CAST: variants seen among roughly 807,000 people sequenced by gnomAD.
CAST encodes MIR583 host.
Under a neutral mutation model 119.6 loss-of-function variants are expected in CAST, and 76 were observed. The ratio of observed to expected loss-of-function variants is 0.64; its 90% CI spans 0.53 to 0.77. CAST has a LOEUF of 0.77. CAST is among the 30% of genes least tolerant of loss of function. CAST has a pLI of 0.00. For synonymous variants in CAST, 319 were observed against 331.6 expected (o/e 0.96, Z 0.41); for missense variants, 953 against 946.5 (o/e 1.01, Z -0.09).
intron 1 of CAST, among the ~76,000 whole-genome samples, chr5:96,549,566 G>A (rs1274750995): frequency 6.6e-6 from 1 of 152,190 alleles, no homozygotes; most frequent in Admixed American, 6.5e-5. Flanking sequence ...GCCCATGGTG[G>A]GCGAGTGGAA....
intron 1 of CAST, among the ~76,000 whole-genome samples, chr5:96,651,386 G>T (rs548605885): frequency 2.0e-5 from 3 of 152,252 alleles, no homozygotes; most frequent in South Asian, 2.1e-4. Flanking sequence ...AGTCAATGCT[G>T]GTTTTTTAAG....
At chr5:96,469,883 T>C in the CAST span, among the ~76,000 whole-genome samples, 1 of 143,872 alleles carries the variant, frequency 7.0e-6, no homozygotes, top group Non-Finnish European at 1.5e-5. Flanking sequence ...ATATATAATA[T>C]ATATATACAC....
the CAST span, among the ~76,000 whole-genome samples, chr5:96,306,489 TG>T: frequency 1.3e-5 from 2 of 151,968 alleles, no homozygotes; most frequent in Non-Finnish European, 2.9e-5. Context: ...GTCTTCTGTT[TG>T]CTTTTGAGTT....
the CAST span, among the ~76,000 whole-genome samples, chr5:95,969,235 G>A: frequency 2.0e-5 from 3 of 152,258 alleles, no homozygotes; most frequent in South Asian, 4.1e-4. Context: ...AAGGAATATG[G>A]ACTTCGATCT....
intron 1 of CAST, among the ~76,000 whole-genome samples, chr5:96,617,758 C>G (rs1400183996): frequency 8.0e-6 from 1 of 124,460 alleles, no homozygotes; most frequent in East Asian, 2.5e-4. Flanking sequence ...CACCACTGCA[C>G]TCCAGCCTGG....
At chr5:96,255,221 C>T in the CAST span, among the ~76,000 whole-genome samples, 1 of 152,110 alleles carries the variant, frequency 6.6e-6, no homozygotes, top group Admixed American at 6.6e-5. Flanking sequence ...ATCGATGCTG[C>T]TTCATGATAT....
At position 96,578,100 on chromosome 5, in the gene CAST, G is replaced by A. The variant is rs1580832363; in HGVS notation, c.60+48220G>A. Among the ~76,000 whole-genome samples the A allele has an allele frequency of 3.9e-5, 6 of 152,106 alleles. No homozygotes were observed. The South Asian group carries it at 1.2e-3, about 32-fold the overall frequency. The stretch of plus-strand genomic sequence containing the variant: ...TCAGTTCTATTGGTTCTTGCCATGT[G>A]TATTTTGAAGTACTGTTGCTTGGTA... On this transcript the variant is annotated intron_variant, in intron 1 of 11. Transcript: ENST00000505143.
the CAST span, among the ~76,000 whole-genome samples, chr5:96,428,268 C>G: frequency 6.6e-6 from 1 of 152,144 alleles, no homozygotes; most frequent in Non-Finnish European, 1.5e-5. Flanking sequence ...TATATTTTCC[C>G]CCTGGGAAGT....
intron 9 of CAST, among the ~76,000 whole-genome samples, chr5:96,733,240 C>T (rs903631633): frequency 6.6e-6 from 1 of 152,152 alleles, no homozygotes; most frequent in African/African-American, 2.4e-5. Flanking sequence ...TCCAGGAAGA[C>T]ACAGCACTCT....
chr5:96,241,638 C>T, the CAST span, among the ~76,000 whole-genome samples: 1 of 142,728 alleles, frequency 7.0e-6, no homozygotes, highest in Non-Finnish European at 1.6e-5. Flanking sequence ...GGAATCGCCA[C>T]ACTGACTTCC....
the CAST span, among the ~76,000 whole-genome samples, chr5:96,102,547 TG>T: frequency 6.6e-6 from 1 of 152,216 alleles, no homozygotes; most frequent in African/African-American, 2.4e-5. Flanking sequence ...ATTCTCACTT[TG>T]GGCCGTGGGT....
chr5:96,222,663 G>A, the CAST span, among the ~76,000 whole-genome samples: 6 of 152,134 alleles, frequency 3.9e-5, no homozygotes, highest in African/African-American at 1.4e-4. Flanking sequence ...CCATTGATGG[G>A]AATGTAAGTT....
At chr5:96,174,413 C>T in the CAST span, among the ~76,000 whole-genome samples, 2 of 152,202 alleles carry the variant, frequency 1.3e-5, no homozygotes, top group East Asian at 1.9e-4. Flanking sequence ...CTGCGCTGGG[C>T]GCTGCAATCA....
At chr5:96,452,956 C>CAAA in the CAST span, among the ~76,000 whole-genome samples, 20,513 of 62,636 alleles carry the variant, frequency 0.33, 4,284 homozygotes, top group Middle Eastern at 0.4. Context: ...GACTCCGTCT[C>CAAA]AAAAAAAAAA....
At chr5:96,281,119 A>G in the CAST span, among the ~76,000 whole-genome samples, 11 of 152,360 alleles carry the variant, frequency 7.2e-5, no homozygotes, top group South Asian at 2.3e-3. Flanking sequence ...TCTAGAGCCC[A>G]TAATTGGTCA....
chr5:96,405,255 G>A, the CAST span, among the ~76,000 whole-genome samples: 1 of 152,160 alleles, frequency 6.6e-6, no homozygotes, highest in African/African-American at 2.4e-5. Context: ...AAGCACCTGG[G>A]AGATCATAGA....
upstream of CAST, among the ~76,000 whole-genome samples, chr5:96,524,432 C>T (rs1486788584): frequency 6.6e-6 from 1 of 152,206 alleles, no homozygotes; most frequent in Non-Finnish European, 1.5e-5. Flanking sequence ...GGCTTTAATA[C>T]TTCCTGGAGG....
At chr5:96,283,733 G>C in the CAST span, among the ~76,000 whole-genome samples, 2 of 152,192 alleles carry the variant, frequency 1.3e-5, no homozygotes, top group Non-Finnish European at 2.9e-5. Flanking sequence ...GCAGAGCCCA[G>C]AACGTGGCCT....
At position 96,565,955 on chromosome 5, in the gene CAST, G is replaced by A. The variant is rs1746460194; in HGVS notation, c.60+36075G>A. Among the ~76,000 whole-genome samples, 3 of 152,208 alleles carry A rather than the reference G, an allele frequency of 2.0e-5. No homozygotes were observed. In the South Asian group the frequency reaches 6.2e-4, roughly 32 times the overall value. Reference sequence around the variant, plus strand: ...TATAAATATCATGGCAGGAGCCCATGAGGTGGGAGCACAATTTATCCTAAC... The same window carrying A: ...TATAAATATCATGGCAGGAGCCCATAAGGTGGGAGCACAATTTATCCTAAC... On this transcript the variant is annotated intron_variant, in intron 1 of 11. Transcript: ENST00000505143.
Sources: gnomAD v4.1 joint callset for allele counts (sites outside exome capture counted in the v4.1 genomes callset) on GRCh38, gnomAD v4.1.1 for gene constraint, MANE v1.5 for transcripts, NCBI Gene and HGNC (gene_info 2026-07-23, HGNC 2026-07-21) for gene names.